TMEM132B: variants seen among roughly 807,000 people sequenced by gnomAD.
The protein encoded by TMEM132B is transmembrane protein 132B.
Under a neutral mutation model 90.8 loss-of-function variants are expected in TMEM132B, and 18 were observed. The observed-to-expected ratio is 0.20, with a 90% CI of 0.14 to 0.29. TMEM132B has a LOEUF of 0.29. TMEM132B is among the 10% of genes least tolerant of loss of function. The probability of loss-of-function intolerance (pLI) is 1.00; values close to 1 mark genes in which losing one functional copy is unlikely to be tolerated. For missense variants in TMEM132B, 1,096 were observed against 1,326.8 expected, an observed-to-expected ratio of 0.83 and a Z score of 2.70; for synonymous variants, 504 against 523.3, an observed-to-expected ratio of 0.96 and a Z score of 0.50.
At chr12:125,307,674 G>C (rs2136171235) in intron 1 of TMEM132B, among the ~76,000 whole-genome samples, 1 of 83,850 alleles carries the variant, frequency 1.2e-5, no homozygotes, top group South Asian at 4.3e-4. Flanking sequence ...TTTCTCTCCA[G>C]AGGTAACCAC....
At chr12:125,652,660 T>G in intron 8 of TMEM132B, 28 bp downstream of exon 8, 1 of 1,589,714 alleles carries the variant, frequency 6.3e-7, no homozygotes, top group South Asian at 1.2e-5. Context: ...CCTGCGTCCT[T>G]GGTCAGTGGG....
At chr12:125,249,427 A>T (rs900211665) in intron 1 of TMEM132B, among the ~76,000 whole-genome samples, 1 of 152,118 alleles carries the variant, frequency 6.6e-6, no homozygotes, top group Non-Finnish European at 1.5e-5. Flanking sequence ...TCTTTCTTTG[A>T]ACCACATTGC....
chr12:125,398,765 C>G (rs113017244), intron 2 of TMEM132B, among the ~76,000 whole-genome samples: 8 of 152,362 alleles, frequency 5.3e-5, no homozygotes, highest in African/African-American at 1.9e-4. Flanking sequence ...TCACCACAAA[C>G]TTAAAGGCTT....
chr12:125,302,925 C>T (rs1228259898), intron 1 of TMEM132B, among the ~76,000 whole-genome samples: 2 of 151,932 alleles, frequency 1.3e-5, no homozygotes, highest in African/African-American at 4.8e-5. Flanking sequence ...GGTGAAATCC[C>T]GTCTCTACTA....
At chr12:125,365,904 T>C (rs960255967) in intron 2 of TMEM132B, among the ~76,000 whole-genome samples, 1 of 152,090 alleles carries the variant, frequency 6.6e-6, no homozygotes, top group Non-Finnish European at 1.5e-5. Context: ...TGGAAATATA[T>C]AATAAATTAT....
chr12:125,635,287 C>T (rs1216724406), intron 5 of TMEM132B, among the ~76,000 whole-genome samples: 4 of 152,162 alleles, frequency 2.6e-5, no homozygotes, highest in African/African-American at 9.7e-5. Context: ...AATGCTATCC[C>T]TCCCCTAGCC....
At chr12:125,345,008 A>C (rs1877311770) in intron 1 of TMEM132B, among the ~76,000 whole-genome samples, 1 of 152,164 alleles carries the variant, frequency 6.6e-6, no homozygotes, top group Non-Finnish European at 1.5e-5. Flanking sequence ...GGCCTTCACG[A>C]CCATGAAATC....
intron 5 of TMEM132B, among the ~76,000 whole-genome samples, chr12:125,604,224 A>T (rs2136926738): frequency 6.6e-6 from 1 of 152,348 alleles, no homozygotes; most frequent in South Asian, 2.1e-4. Flanking sequence ...AGACTGGATA[A>T]AGAAAATGTG....
chr12:125,589,298 C>T lies in TMEM132B; in HGVS notation c.1437+5304C>T, dbSNP rs560837207. On this transcript the variant is annotated intron_variant, in intron 5 of 8. Transcript: ENST00000682704. Reference sequence around the variant, plus strand: ...GAGATCGAGACCATCCTGGCTAACACGGTGAAACCCTGTCTCTACTAAAAA... The same window carrying T: ...GAGATCGAGACCATCCTGGCTAACATGGTGAAACCCTGTCTCTACTAAAAA... 9.8e-3 allele frequency among the ~76,000 whole-genome samples: 1,485 copies of T among 151,742 alleles called. 18 individuals carry two copies. The highest frequency in any genetic ancestry group is 0.034 in the African/African-American group (1,417 of 41,420).
At chr12:125,653,045 C>T (rs913319696) in intron 8 of TMEM132B, among the ~76,000 whole-genome samples, 10 of 152,230 alleles carry the variant, frequency 6.6e-5, no homozygotes, top group Non-Finnish European at 1.3e-4. Flanking sequence ...AACTCTAAAA[C>T]GTCCTCCCAT....
rs1229647857 is a variant in TMEM132B at position 125,661,203 on chromosome 12, T to C, written c.*6493T>C. On this transcript the variant is annotated 3_prime_UTR_variant, in exon 9 of 9. Coordinates refer to ENST00000682704, the MANE Select transcript of TMEM132B (RefSeq NM_001366854.1). ...CAGTGTCAACACTGACCATATGATA[T>C]AGTTATTTCACTTAGAGATGCTTCC... is the stretch of plus-strand genomic sequence containing the variant. The C allele has an allele frequency of 6.6e-6, 1 of 152,230 alleles. No individual in the cohort carries two copies. Among genetic ancestry groups the C allele is most frequent in the East Asian group, 1.9e-4 (1 of 5,200 alleles). The allele number at this position is 152,230 out of a possible 1,614,324, so 9.4% of individuals were successfully genotyped here. A position where few individuals can be genotyped will look rare whatever the true frequency, so the allele number is the denominator to read the frequency against.
At chr12:125,434,931 A>G (rs1021796487) in intron 3 of TMEM132B, among the ~76,000 whole-genome samples, 2 of 152,304 alleles carry the variant, frequency 1.3e-5, no homozygotes, top group African/African-American at 2.4e-5. Context: ...CTCAGAGTGC[A>G]TGAGGAGAGA....
chr12:125,272,447 T>C (rs1484380017), intron 1 of TMEM132B, among the ~76,000 whole-genome samples: 1 of 152,172 alleles, frequency 6.6e-6, no homozygotes, highest in African/African-American at 2.4e-5. Context: ...GGTCCAGCGA[T>C]TGGCAAGAGG....
intron 2 of TMEM132B, among the ~76,000 whole-genome samples, chr12:125,412,535 C>G (rs1879879265): frequency 6.6e-6 from 1 of 152,240 alleles, no homozygotes. Context: ...TCTGCCAGAA[C>G]CAGCTGTGTG....
intron 1 of TMEM132B, among the ~76,000 whole-genome samples, chr12:125,206,149 TC>T (rs1385281051): frequency 6.6e-6 from 1 of 152,194 alleles, no homozygotes; most frequent in Non-Finnish European, 1.5e-5. Flanking sequence ...CTTAGTTTTT[TC>T]TGGTGGGATG....
At chr12:125,534,811 A>G (rs1224868799) in intron 4 of TMEM132B, among the ~76,000 whole-genome samples, 2 of 152,206 alleles carry the variant, frequency 1.3e-5, no homozygotes, top group Non-Finnish European at 2.9e-5. Context: ...AAGCTATCCA[A>G]TATGGTAGCC....
At chr12:125,223,835 G>A (rs1236505136) in intron 1 of TMEM132B, among the ~76,000 whole-genome samples, 1 of 151,940 alleles carries the variant, frequency 6.6e-6, no homozygotes, top group Non-Finnish European at 1.5e-5. Context: ...TGCCTAGGGT[G>A]GCGCGATCTT....
intron 1 of TMEM132B, among the ~76,000 whole-genome samples, chr12:125,314,124 G>T (rs1309563997): frequency 6.6e-6 from 1 of 152,180 alleles, no homozygotes; most frequent in African/African-American, 2.4e-5. Flanking sequence ...GAGCTTAGCT[G>T]AGTGTGTGCA....
At chr12:125,379,928 G>A (rs1195470495) in intron 2 of TMEM132B, among the ~76,000 whole-genome samples, 1 of 151,630 alleles carries the variant, frequency 6.6e-6, no homozygotes, top group Non-Finnish European at 1.5e-5. Flanking sequence ...TTACATTCAG[G>A]GTAGATCTGT....
Sources: allele counts gnomAD v4.1 joint callset (sites outside exome capture counted in the v4.1 genomes callset), GRCh38; gene constraint gnomAD v4.1.1; transcripts MANE v1.5; gene names NCBI Gene and HGNC (gene_info 2026-07-23, HGNC 2026-07-21).